CUL5: variants seen among roughly 807,000 people sequenced by gnomAD.
CUL5 encodes cullin 5.
In CUL5, 26 loss-of-function variants were observed where a neutral mutation model predicts 108.8. The ratio of observed to expected loss-of-function variants is 0.24; its 90% CI spans 0.18 to 0.33. The LOEUF is 0.33. Among genes scored for constraint, CUL5 ranks in the 10% least tolerant of loss-of-function variants. CUL5 has a pLI of 1.00. For missense variants in CUL5, 524 were observed against 909.2 expected, an observed-to-expected ratio of 0.58 and a Z score of 5.45; for synonymous variants, 334 against 298.0, an observed-to-expected ratio of 1.12 and a Z score of -1.25.
chr11:108,064,349 A>G (rs1033919854), intron 7 of CUL5, among the ~76,000 whole-genome samples: 13 of 152,230 alleles, frequency 8.5e-5, no homozygotes, highest in African/African-American at 2.7e-4. Context: ...ATGTTGAACC[A>G]TCCTTGCATC....
chr11:108,029,002 CTT>C (rs1295081062), intron 1 of CUL5, among the ~76,000 whole-genome samples: 2 of 152,198 alleles, frequency 1.3e-5, no homozygotes, highest in African/African-American at 4.8e-5. Context: ...GCTCTCTCCA[CTT>C]TGTTTACTTT....
intron 2 of CUL5, among the ~76,000 whole-genome samples, chr11:108,043,729 G>A (rs1862995491): frequency 6.6e-6 from 1 of 152,140 alleles, no homozygotes; most frequent in African/African-American, 2.4e-5. Context: ...GATAAAATAA[G>A]TTAAAAGAAC....
intron 7 of CUL5, among the ~76,000 whole-genome samples, chr11:108,067,320 A>G (rs1407285250): frequency 1.3e-5 from 2 of 152,212 alleles, no homozygotes; most frequent in Non-Finnish European, 2.9e-5. Flanking sequence ...AATCCCTTTC[A>G]TTTAAGCATT....
At position 108,104,503 on chromosome 11, in the gene CUL5, C is replaced by T; in HGVS notation, c.*119C>T. Reference sequence around the variant, plus strand: ...TTTGATTACATAAATATTAAAATCTCTGCCTTACCTTACAAAAACAACTAT... The same window carrying T: ...TTTGATTACATAAATATTAAAATCTTTGCCTTACCTTACAAAAACAACTAT... On this transcript the variant is annotated 3_prime_UTR_variant, in exon 19 of 19. Transcript: ENST00000393094. 1.6e-6 allele frequency: 1 copy of T among 626,518 alleles called. No homozygotes were observed. Among genetic ancestry groups the T allele is most frequent in the Non-Finnish European group, 2.7e-6 (1 of 374,454 alleles). 38.8% of individuals were successfully genotyped at this position (626,518 alleles called of 1,614,324 possible).
chr11:108,089,406 G>A, intron 12 of CUL5, 86 bp from the exon 13 acceptor site: 3 of 999,848 alleles, frequency 3.0e-6, no homozygotes, highest in South Asian at 3.3e-5. Context: ...TTTCTGACTT[G>A]TGACAATTGG....
At chr11:108,094,630 T>G (rs1425909705) in intron 14 of CUL5, 116 bp downstream of exon 14, 1 of 799,392 alleles carries the variant, frequency 1.3e-6, no homozygotes, top group Non-Finnish European at 1.9e-6. Flanking sequence ...ATGAAGTCCA[T>G]TTCCGTGGAG....
At chr11:108,098,663 A>G in intron 18 of CUL5, 134 bp downstream of exon 18, 2 of 516,724 alleles carry the variant, frequency 3.9e-6, no homozygotes, top group Non-Finnish European at 6.0e-6. Context: ...TAATCCCAAC[A>G]CTTTGGGATG....
intron 10 of CUL5, among the ~76,000 whole-genome samples, chr11:108,077,835 C>T (rs1469774045): frequency 6.6e-6 from 1 of 151,788 alleles, no homozygotes; most frequent in Non-Finnish European, 1.5e-5. Flanking sequence ...ATCCCAGCTA[C>T]CCAGGAGGCC....
chr11:108,095,835 C>A, intron 16 of CUL5, 144 bp downstream of exon 16: 1 of 720,810 alleles, frequency 1.4e-6, no homozygotes, highest in African/African-American at 1.8e-5. Context: ...GTGGATCACG[C>A]CTGTAATCCC....
chr11:108,071,656 C>T (rs1475263197), intron 8 of CUL5, among the ~76,000 whole-genome samples: 1 of 152,172 alleles, frequency 6.6e-6, no homozygotes. Context: ...AGGCATTCCT[C>T]ACACTTCAGC....
Position 108,024,556 on chromosome 11 carries a change from A to G in CUL5, c.25-9246A>G, listed in dbSNP as rs1862411282. ...TGTAACAGTCAGATATTATAAAGTAAAATAATCACAGTGATTCAGTGATTT... is the reference window on the plus strand; with the variant it reads ...TGTAACAGTCAGATATTATAAAGTAGAATAATCACAGTGATTCAGTGATTT... On this transcript the variant is annotated intron_variant, in intron 1 of 18. Transcript: ENST00000393094. Among the ~76,000 whole-genome samples the G allele has an allele frequency of 2.6e-5, 4 of 152,250 alleles. No homozygotes were observed. The South Asian group carries it at 8.3e-4, about 31-fold the overall frequency.
At chr11:108,076,456 T>A (rs1413932184) in intron 10 of CUL5, among the ~76,000 whole-genome samples, 1 of 152,236 alleles carries the variant, frequency 6.6e-6, no homozygotes, top group Non-Finnish European at 1.5e-5. Flanking sequence ...CCCACCCATT[T>A]TGCCACTGGT....
At chr11:108,016,188 T>G (rs1174357448) in intron 1 of CUL5, among the ~76,000 whole-genome samples, 1 of 152,162 alleles carries the variant, frequency 6.6e-6, no homozygotes, top group African/African-American at 2.4e-5. Context: ...GTGCTGGGAT[T>G]ACAGGAATGA....
chr11:108,026,513 A>T (rs1862454645), intron 1 of CUL5, among the ~76,000 whole-genome samples: 1 of 152,132 alleles, frequency 6.6e-6, no homozygotes, highest in Non-Finnish European at 1.5e-5. Flanking sequence ...CTACATGTAC[A>T]TTCTTTTGCC....
intron 13 of CUL5, among the ~76,000 whole-genome samples, chr11:108,093,794 T>C (rs1458360098): frequency 1.3e-5 from 2 of 152,192 alleles, no homozygotes; most frequent in East Asian, 3.9e-4. Flanking sequence ...ACTCCTGGGC[T>C]CAAGCAATCC....
chr11:108,059,870 C>A (rs1441698339), intron 7 of CUL5, among the ~76,000 whole-genome samples: 1 of 131,020 alleles, frequency 7.6e-6, no homozygotes, highest in Non-Finnish European at 1.6e-5. Context: ...GGTGACAGAG[C>A]GAGACTCTGT....
chr11:108,057,985 C>T (rs1863429909), intron 7 of CUL5, among the ~76,000 whole-genome samples: 1 of 151,942 alleles, frequency 6.6e-6, no homozygotes, highest in South Asian at 2.1e-4. Context: ...CCAAGGCAGG[C>T]AGATCATGTG....
intron 18 of CUL5, among the ~76,000 whole-genome samples, chr11:108,100,268 C>T (rs866940413): frequency 9.9e-5 from 15 of 152,124 alleles, no homozygotes; most frequent in East Asian, 1.9e-4. Context: ...TTAGGCTCGG[C>T]GCGGTGGCTC....
chr11:108,094,689 A>C, intron 14 of CUL5, 123 bp from the exon 15 acceptor site: 1 of 895,612 alleles, frequency 1.1e-6, no homozygotes, highest in Non-Finnish European at 1.6e-6. Context: ...ATTTCAAAAC[A>C]AAAGGACACT....
Sources: allele counts gnomAD v4.1 joint callset (sites outside exome capture counted in the v4.1 genomes callset), GRCh38; gene constraint gnomAD v4.1.1; transcripts MANE v1.5; gene names NCBI Gene and HGNC (gene_info 2026-07-23, HGNC 2026-07-21).